Variants in APPL2 observed in about 807,000 individuals in gnomAD.
APPL2 encodes the protein adaptor protein, phosphotyrosine interacting with PH domain and leucine zipper 2.
A neutral mutation model predicts 92.7 loss-of-function variants in APPL2; 84 were observed. The ratio of observed to expected loss-of-function variants is 0.91; its 90% confidence interval spans 0.76 to 1.09. APPL2 has a LOEUF of 1.09. Among genes scored for constraint, APPL2 ranks in the 50% least tolerant of loss-of-function variants. APPL2 has a pLI of 0.00. For synonymous variants in APPL2, 291 were observed against 291.0 expected (o/e 1.00, Z 0.00); for missense variants, 736 against 824.5 (o/e 0.89, Z 1.31).
chr12:105,233,028 AAC>A, intron 1 of APPL2: 1 of 922,038 alleles, frequency 1.1e-6, no homozygotes, highest in Non-Finnish European at 1.3e-6. Context: ...AAACAAACAA[AAC>A]ACAAACCGAG....
chr12:105,188,669 C>CT (rs1189941576), intron 16 of APPL2, among the ~76,000 whole-genome samples: 1 of 152,180 alleles, frequency 6.6e-6, no homozygotes, highest in African/African-American at 2.4e-5. Flanking sequence ...ACTAGAAAGG[C>CT]TTTTCTTCAT....
At chr12:105,224,041 G>A (rs1890317197) in intron 2 of APPL2, among the ~76,000 whole-genome samples, 1 of 152,160 alleles carries the variant, frequency 6.6e-6, no homozygotes, top group African/African-American at 2.4e-5. Flanking sequence ...ACCTGAGTGA[G>A]TGAGCCTCAC....
At chr12:105,208,463 G>C (rs1338709843) in intron 5 of APPL2, among the ~76,000 whole-genome samples, 1 of 152,148 alleles carries the variant, frequency 6.6e-6, no homozygotes, top group African/African-American at 2.4e-5. Flanking sequence ...GTGAGGGAGA[G>C]GGCACGCCGG....
chr12:105,185,119 G>A (rs181719564), intron 17 of APPL2, among the ~76,000 whole-genome samples: 15 of 152,154 alleles, frequency 9.9e-5, no homozygotes, highest in Non-Finnish European at 1.8e-4. Context: ...CACCAAGCTC[G>A]AGCATCCCTG....
Position 105,218,982 on chromosome 12 carries a change from G to T in APPL2, c.154-1257C>A, listed in dbSNP as rs528386725. 1.4e-3 allele frequency among the ~76,000 whole-genome samples: 219 copies of T among 152,292 alleles called. 1 individual carries two copies. Among genetic ancestry groups the T allele is most frequent in the Non-Finnish European group, 2.3e-3 (159 of 68,022 alleles). On this transcript the variant is annotated intron_variant, in intron 2 of 20. Coordinates refer to ENST00000258530, the MANE Select transcript of APPL2 (RefSeq NM_018171.5). ...ACCACTATCCTCCTACCACTGATGTGGGCAGCCTAGAAAACTTGCCTTACA... is the reference window on the plus strand; with the variant it reads ...ACCACTATCCTCCTACCACTGATGTTGGCAGCCTAGAAAACTTGCCTTACA...
Position 105,208,028 on chromosome 12 carries a change from C to G in APPL2, c.417G>C (p.Glu139Asp). Residue 139 changes from glutamate to aspartate, a missense_variant and splice_region_variant, in exon 7 of 21, where the codon GAG (glutamate) becomes GAC (aspartate). By Grantham distance (45) the Glu-to-Asp change is conservative. Coordinates refer to ENST00000258530, the MANE Select transcript of APPL2 (RefSeq NM_018171.5). ...LKDLFGLASN[E>D]HDLSMAKYSR... is the part of the protein sequence containing the mutation. ...TGTATTTTGCCATTGAGAGGTCATG[C>G]TCTAAAAATAAACAGACATCTGAAC... 6.2e-7 allele frequency: 1 copy of G among 1,614,114 alleles called. No individual in the cohort carries two copies. The highest frequency in any genetic ancestry group is 8.5e-7 in the Non-Finnish European group (1 of 1,180,008).
chr12:105,194,739 T>A (rs1887493355), intron 14 of APPL2, among the ~76,000 whole-genome samples: 1 of 150,236 alleles, frequency 6.7e-6, no homozygotes, highest in Admixed American at 6.7e-5. Context: ...TGGAATAGGG[T>A]GTAGTTACTA....
At chr12:105,225,954 G>A (rs1017354252) in intron 2 of APPL2, among the ~76,000 whole-genome samples, 5 of 152,034 alleles carry the variant, frequency 3.3e-5, no homozygotes, top group East Asian at 1.9e-4. Flanking sequence ...TATCAGCAGC[G>A]TAAGCCTGCT....
At chr12:105,216,807 C>T (rs183492640) in intron 4 of APPL2, among the ~76,000 whole-genome samples, 77 of 152,336 alleles carry the variant, frequency 5.1e-4, no homozygotes, top group Non-Finnish European at 9.3e-4. Context: ...AACTAATATA[C>T]TCTCCTTTAG....
intron 2 of APPL2, among the ~76,000 whole-genome samples, chr12:105,228,413 A>C (rs1213843211): frequency 2.0e-5 from 3 of 152,216 alleles, no homozygotes; most frequent in Non-Finnish European, 4.4e-5. Flanking sequence ...TATATTCCTT[A>C]AGAGATTATT....
chr12:105,227,948 G>A (rs1300508414), intron 2 of APPL2, among the ~76,000 whole-genome samples: 1 of 152,102 alleles, frequency 6.6e-6, no homozygotes, highest in East Asian at 1.9e-4. Flanking sequence ...CTCCTTTTGC[G>A]TGCCCAGCAC....
At chr12:105,183,164 T>C (rs1418909445) in intron 17 of APPL2, among the ~76,000 whole-genome samples, 1 of 147,694 alleles carries the variant, frequency 6.8e-6, no homozygotes. Flanking sequence ...GCACATGAGA[T>C]GGGTCTCCTG....
chr12:105,217,567 G>T, intron 3 of APPL2, 99 bp downstream of exon 3: 1 of 1,176,906 alleles, frequency 8.5e-7, no homozygotes, highest in Non-Finnish European at 1.2e-6. Context: ...TGAAGAAAAT[G>T]AAACAAATAA....
At chr12:105,183,010 CCTT>C (rs1246589137) in intron 17 of APPL2, among the ~76,000 whole-genome samples, 2 of 151,314 alleles carry the variant, frequency 1.3e-5, no homozygotes, top group African/African-American at 4.9e-5. Flanking sequence ...TATGTAATGC[CCTT>C]CTTTGTCTTT....
chr12:105,190,088 G>A lies in APPL2; in HGVS notation c.1309C>T (p.Leu437=). ...GCGATCAGCTCCTCTGCTTCAGGTAGACTGGCTGTTGCTTTGGGAACAATC... is the reference window on the plus strand; with the variant it reads ...GCGATCAGCTCCTCTGCTTCAGGTAAACTGGCTGTTGCTTTGGGAACAATC... ...DKIVPKATAS[L]PEAEELIAPG... Residue 437 remains leucine, a synonymous_variant, in exon 15 of 21, where the codon CTA becomes TTA. Coordinates refer to ENST00000258530, the MANE Select transcript of APPL2 (RefSeq NM_018171.5). 3 of 1,614,200 alleles carry A rather than the reference G, an allele frequency of 1.9e-6. No individual in the cohort carries two copies. Among genetic ancestry groups the A allele is most frequent in the Non-Finnish European group, 1.7e-6 (2 of 1,180,034 alleles).
rs1679843065 is a variant in APPL2, at chr12:105,207,152, G to A, written c.530C>T (p.Ser177Phe). ...GAGGGCACAGTAGTACTGAAGGGAG[G>A]AGAGGTGCTGCTTCCGCCGGGCCGC... ...VAAARRKQHL[S>F]SLQYYCALNA... The change falls in exon 8 of 21, where the codon TCC (serine) becomes TTC (phenylalanine). Residue 177 changes from serine (S) to phenylalanine (F), a missense_variant. Coordinates refer to ENST00000258530, the MANE Select transcript of APPL2 (RefSeq NM_018171.5). 5 of 1,614,180 alleles carry A rather than the reference G, an allele frequency of 3.1e-6. No individual in the cohort carries two copies. Among genetic ancestry groups the A allele is most frequent in the African/African-American group, 2.7e-5 (2 of 75,066 alleles).
At chr12:105,213,324 A>G (rs1889375431) in intron 4 of APPL2, among the ~76,000 whole-genome samples, 1 of 152,188 alleles carries the variant, frequency 6.6e-6, no homozygotes, top group South Asian at 2.1e-4. Context: ...TAACCAGAGC[A>G]CCTTCACTCA....
chr12:105,229,695 T>G, intron 1 of APPL2: 1 of 986,786 alleles, frequency 1.0e-6, no homozygotes, highest in Non-Finnish European at 1.2e-6. Flanking sequence ...TCTGGTTTTT[T>G]GTAATCTTGG....
intron 5 of APPL2, among the ~76,000 whole-genome samples, chr12:105,209,045 C>T (rs1461867950): frequency 6.6e-6 from 1 of 152,260 alleles, no homozygotes; most frequent in East Asian, 1.9e-4. Flanking sequence ...CTACTTTCTG[C>T]CCTTTCCTGC....
Sources: gnomAD v4.1 joint callset for allele counts (sites outside exome capture counted in the v4.1 genomes callset) on GRCh38, gnomAD v4.1.1 for gene constraint, MANE v1.5 for transcripts, NCBI Gene and HGNC (gene_info 2026-07-23, HGNC 2026-07-21) for gene names.